Variants in ACYP2 observed in about 807,000 individuals in gnomAD.
ACYP2 encodes the protein acylphosphatase 2.
In ACYP2, 12 loss-of-function variants were observed where a neutral mutation model predicts 11.2. The ratio of observed to expected loss-of-function variants is 1.08; its 90% CI spans 0.69 to 1.74. The LOEUF (loss-of-function observed/expected upper bound fraction) is 1.74, where lower values mean the gene tolerates loss of function less well. Among genes scored for constraint, ACYP2 ranks in the 40% most tolerant of loss-of-function variants. ACYP2 has a pLI of 0.00. For missense variants in ACYP2, 134 were observed against 101.9 expected, an observed-to-expected ratio of 1.31 and a Z score of -1.35; for synonymous variants, 43 against 32.2, an observed-to-expected ratio of 1.33 and a Z score of -1.13.
chr2:54,005,492 A>C (rs1236074515), intron 2 of ACYP2, among the ~76,000 whole-genome samples: 1 of 152,108 alleles, frequency 6.6e-6, no homozygotes, highest in Non-Finnish European at 1.5e-5. Context: ...GGCGTGTGCC[A>C]CCAAACCTGG....
At chr2:54,149,341 A>G (rs1682040213) in intron 6 of ACYP2, among the ~76,000 whole-genome samples, 1 of 152,262 alleles carries the variant, frequency 6.6e-6, no homozygotes, top group Non-Finnish European at 1.5e-5. Context: ...ATGTAAGAAC[A>G]CACTGTGGAT....
chr2:54,192,523 A>G (rs1200356304), intron 6 of ACYP2, among the ~76,000 whole-genome samples: 3 of 152,226 alleles, frequency 2.0e-5, no homozygotes, highest in Non-Finnish European at 4.4e-5. Context: ...TTTTATTGAT[A>G]TAAGTTTCTA....
intron 2 of ACYP2, among the ~76,000 whole-genome samples, chr2:54,043,926 A>G (rs1383071134): frequency 1.3e-5 from 2 of 152,150 alleles, no homozygotes; most frequent in Non-Finnish European, 2.9e-5. Flanking sequence ...AACTACCCAC[A>G]TTTTTTAGGG....
chr2:54,215,435 T>A (rs1685520020), intron 6 of ACYP2, among the ~76,000 whole-genome samples: 1 of 152,176 alleles, frequency 6.6e-6, no homozygotes, highest in Non-Finnish European at 1.5e-5. Context: ...GATGCCTGGT[T>A]TGTTGAGTGT....
intron 4 of ACYP2, among the ~76,000 whole-genome samples, chr2:54,102,796 T>C (rs1042967748): frequency 1.3e-5 from 2 of 152,198 alleles, no homozygotes; most frequent in Non-Finnish European, 2.9e-5. Flanking sequence ...CTTTGTTGGC[T>C]TCATTCTGAG....
intron 6 of ACYP2, among the ~76,000 whole-genome samples, chr2:54,201,541 C>T (rs527401944): frequency 1.4e-4 from 21 of 152,030 alleles, no homozygotes; most frequent in South Asian, 6.2e-4. Flanking sequence ...TCTTGTCTTT[C>T]GAAGCACAAA....
chr2:54,195,068 C>G (rs975859113), intron 6 of ACYP2, among the ~76,000 whole-genome samples: 4 of 152,196 alleles, frequency 2.6e-5, no homozygotes, highest in Admixed American at 6.6e-5. Context: ...CTGCTTCACT[C>G]TTTTCTTTTT....
At chr2:54,158,702 T>G (rs1350868108) in intron 6 of ACYP2, among the ~76,000 whole-genome samples, 2 of 152,190 alleles carry the variant, frequency 1.3e-5, no homozygotes, top group Non-Finnish European at 2.9e-5. Context: ...ATTATAAAAA[T>G]TATCAAGTGT....
chr2:54,295,670 C>T (rs1043232536), intron 6 of ACYP2, among the ~76,000 whole-genome samples: 1 of 152,090 alleles, frequency 6.6e-6, no homozygotes, highest in African/African-American at 2.4e-5. Context: ...TATGATTGTA[C>T]ATATTTATGA....
At chr2:54,004,046 C>T (rs972575935) in intron 2 of ACYP2, among the ~76,000 whole-genome samples, 16 of 151,974 alleles carry the variant, frequency 1.1e-4, no homozygotes, top group African/African-American at 2.9e-4. Context: ...TGCAATGGCG[C>T]GATCTCAGCT....
At chr2:54,007,532 C>T (rs368839930) in intron 2 of ACYP2, among the ~76,000 whole-genome samples, 27 of 152,028 alleles carry the variant, frequency 1.8e-4, no homozygotes, top group African/African-American at 5.8e-4. Flanking sequence ...GGATTACAGG[C>T]GTGAGCCACC....
chr2:54,276,659 A>G (rs1471019174), intron 6 of ACYP2, among the ~76,000 whole-genome samples: 2 of 146,322 alleles, frequency 1.4e-5, no homozygotes, highest in African/African-American at 5.4e-5. Context: ...ACACACACAC[A>G]CACCACACAC....
chr2:54,026,726 A>T (rs551535823), intron 2 of ACYP2, among the ~76,000 whole-genome samples: 2 of 152,240 alleles, frequency 1.3e-5, no homozygotes, highest in East Asian at 1.9e-4. Flanking sequence ...CTACTCAGCC[A>T]TAAAAGGAAA....
chr2:54,225,872 A>G lies in ACYP2; in HGVS notation c.405-78816A>G, dbSNP rs942485340. Among the ~76,000 whole-genome samples the G allele has an allele frequency of 3.3e-5, 5 of 152,118 alleles. No homozygotes were observed. In the East Asian group the frequency reaches 7.7e-4, roughly 23 times the overall value. The stretch of plus-strand genomic sequence containing the variant: ...ACAACAACAGGGATGGAGTGAGGGG[A>G]GACATTCCAGAAGATGCCAATAGTA... On this transcript the variant is annotated intron_variant, in intron 6 of 6. Coordinates refer to ENST00000607452, the MANE Select transcript of ACYP2 (RefSeq NM_001320586.2).
chr2:54,210,947 A>T (rs1049044304), intron 6 of ACYP2, among the ~76,000 whole-genome samples: 16 of 152,220 alleles, frequency 1.1e-4, no homozygotes, highest in South Asian at 4.1e-4. Context: ...CAATAAATTG[A>T]TATGAGTTGG....
In ACYP2 at chr2:54,252,433, A is replaced by G. The variant is rs1465696570; in HGVS notation, c.405-52255A>G. On this transcript the variant is annotated intron_variant, in intron 6 of 6. Transcript: ENST00000607452. ...TTGGGTATATTCCTAGAACTAGATC[A>G]GAGGGTTCGCACTGGTGCTGCCAAA... Among the ~76,000 whole-genome samples, 3 of 152,184 alleles carry G rather than the reference A, an allele frequency of 2.0e-5. No homozygotes were observed. In the East Asian group the frequency reaches 5.8e-4, roughly 29 times the overall value.
intron 6 of ACYP2, among the ~76,000 whole-genome samples, chr2:54,148,409 A>G (rs1681997386): frequency 6.6e-6 from 1 of 152,240 alleles, no homozygotes; most frequent in Non-Finnish European, 1.5e-5. Flanking sequence ...TTGCATGGTG[A>G]AAATTAAGCG....
At chr2:54,183,727 A>G (rs1192077758) in intron 6 of ACYP2, among the ~76,000 whole-genome samples, 3 of 152,190 alleles carry the variant, frequency 2.0e-5, no homozygotes, top group African/African-American at 7.2e-5. Flanking sequence ...AAGATATCTC[A>G]ACTTGTCTAT....
At chr2:54,024,605 T>C (rs1297647242) in intron 2 of ACYP2, among the ~76,000 whole-genome samples, 1 of 152,140 alleles carries the variant, frequency 6.6e-6, no homozygotes, top group Non-Finnish European at 1.5e-5. Context: ...ATAAAAGCCA[T>C]ATATGACAAA....
Sources: allele counts gnomAD v4.1 joint callset (sites outside exome capture counted in the v4.1 genomes callset), GRCh38; gene constraint gnomAD v4.1.1; transcripts MANE v1.5; gene names NCBI Gene and HGNC (gene_info 2026-07-23, HGNC 2026-07-21).